Variants in LUC7L2 observed in about 807,000 individuals in gnomAD.
The protein encoded by LUC7L2 is putative RNA-binding protein Luc7-like 2.
A neutral mutation model predicts 52.8 loss-of-function variants in LUC7L2; 25 were observed. The ratio of observed to expected loss-of-function variants is 0.47; its 90% CI spans 0.34 to 0.66. LUC7L2 has a LOEUF of 0.66. Among genes scored for constraint, LUC7L2 ranks in the 30% least tolerant of loss-of-function variants. LUC7L2 has a pLI of 0.01. For synonymous variants in LUC7L2, 144 were observed against 160.9 expected, an observed-to-expected ratio of 0.89 and a Z score of 0.80; for missense variants, 328 against 497.8, an observed-to-expected ratio of 0.66 and a Z score of 3.25.
At chr7:139,387,795 A>C (rs1794269858) in intron 2 of LUC7L2, among the ~76,000 whole-genome samples, 2 of 151,954 alleles carry the variant, frequency 1.3e-5, no homozygotes, top group Admixed American at 6.6e-5. Context: ...TGTGTCATGC[A>C]GGACTGAAGT....
At chr7:139,420,426 C>T (rs957294750) in intron 9 of LUC7L2, among the ~76,000 whole-genome samples, 7 of 152,216 alleles carry the variant, frequency 4.6e-5, no homozygotes, top group African/African-American at 1.7e-4. Context: ...TGGTCTCAAA[C>T]TCCCGACCTC....
At chr7:139,359,617 C>G (rs1799746483), upstream of LUC7L2, 1 of 395,902 alleles carries the variant, frequency 2.5e-6, no homozygotes, top group Non-Finnish European at 4.4e-6. Context: ...GGGTCTGAAT[C>G]GCCATCACCG....
chr7:139,375,723 G>T, intron 1 of LUC7L2: 1 of 606,778 alleles, frequency 1.6e-6, no homozygotes, highest in South Asian at 6.6e-5. Context: ...TAACCTCTCG[G>T]GGCCTCAGTT....
intron 2 of LUC7L2, among the ~76,000 whole-genome samples, chr7:139,387,110 G>T (rs558693568): frequency 6.6e-6 from 1 of 152,168 alleles, no homozygotes; most frequent in South Asian, 2.1e-4. Context: ...AAAGTGCTGG[G>T]ATTACAGGCA....
intron 1 of LUC7L2, among the ~76,000 whole-genome samples, chr7:139,373,904 AT>A (rs1037888868): frequency 2.6e-5 from 4 of 152,132 alleles, no homozygotes; most frequent in Admixed American, 6.6e-5. Flanking sequence ...TACATAAGGG[AT>A]TTTTTTGTTT....
chr7:139,345,847 T>C, intron 1 of LUC7L2: 1 of 902,686 alleles, frequency 1.1e-6, no homozygotes, highest in South Asian at 2.1e-5. Flanking sequence ...TAACTGGACA[T>C]TTCATCTTTA....
intron 1 of LUC7L2, chr7:139,340,523 G>A (rs149131357): frequency 2.5e-5 from 10 of 398,538 alleles, no homozygotes; most frequent in Non-Finnish European, 4.0e-5. Flanking sequence ...CGAGGGTAAA[G>A]CCTTTGGCGC....
At chr7:139,391,303 C>A (rs965046306) in intron 2 of LUC7L2, among the ~76,000 whole-genome samples, 1 of 152,192 alleles carries the variant, frequency 6.6e-6, no homozygotes, top group African/African-American at 2.4e-5. Flanking sequence ...ATTATATTCT[C>A]ATGCTGTTCT....
intron 6 of LUC7L2, among the ~76,000 whole-genome samples, chr7:139,408,841 C>CAA (rs564827916): frequency 0.3 from 25,739 of 86,376 alleles, 3,024 homozygotes; most frequent in Middle Eastern, 0.42. Flanking sequence ...GACTCTGTCT[C>CAA]AAAAAAAAAA....
intron 3 of LUC7L2, among the ~76,000 whole-genome samples, chr7:139,400,257 A>G (rs1569386998): frequency 1.3e-5 from 2 of 152,174 alleles, no homozygotes; most frequent in African/African-American, 4.8e-5. Context: ...CTGTAATCCC[A>G]GCACTTTGGG....
At chr7:139,350,997 C>G (rs957214166) in intron 1 of LUC7L2, among the ~76,000 whole-genome samples, 2 of 151,940 alleles carry the variant, frequency 1.3e-5, no homozygotes, top group African/African-American at 2.4e-5. Context: ...TTTTTTCTTA[C>G]TCTAGTCATT....
intron 2 of LUC7L2, among the ~76,000 whole-genome samples, chr7:139,397,105 A>ACCT (rs1205908146): frequency 6.6e-6 from 1 of 152,160 alleles, no homozygotes; most frequent in African/African-American, 2.4e-5. Flanking sequence ...TAAGGCTCAG[A>ACCT]CCTGTGTGCC....
intron 3 of LUC7L2, among the ~76,000 whole-genome samples, chr7:139,399,450 T>TTTA (rs1794803826): frequency 7.0e-5 from 2 of 28,680 alleles, no homozygotes; most frequent in Non-Finnish European, 1.1e-4. Flanking sequence ...GTTTGGGGGA[T>TTTA]TTTTTTTTTT....
intron 1 of LUC7L2, among the ~76,000 whole-genome samples, chr7:139,352,163 T>C (rs995495959): frequency 6.6e-6 from 1 of 151,998 alleles, no homozygotes; most frequent in Non-Finnish European, 1.5e-5. Flanking sequence ...GCCACTGCTC[T>C]CCAGCCTGGG....
chr7:139,408,184 G>T (rs1795201771), intron 6 of LUC7L2, among the ~76,000 whole-genome samples: 1 of 152,130 alleles, frequency 6.6e-6, no homozygotes, highest in African/African-American at 2.4e-5. Flanking sequence ...CATATTCTCA[G>T]GTAACAGTGG....
intron 8 of LUC7L2, among the ~76,000 whole-genome samples, chr7:139,414,598 T>C (rs1795505766): frequency 6.6e-6 from 1 of 152,228 alleles, no homozygotes; most frequent in African/African-American, 2.4e-5. Context: ...CTAGTTTGAA[T>C]GATAAAGTAC....
intron 2 of LUC7L2, among the ~76,000 whole-genome samples, chr7:139,383,476 A>C (rs1801149372): frequency 6.6e-6 from 1 of 151,684 alleles, no homozygotes; most frequent in South Asian, 2.1e-4. Context: ...TAATGGCGCG[A>C]TCTCGGCTCA....
intron 1 of LUC7L2, among the ~76,000 whole-genome samples, chr7:139,366,202 A>G (rs992904536): frequency 2.0e-5 from 3 of 152,240 alleles, no homozygotes; most frequent in Non-Finnish European, 4.4e-5. Context: ...GTATTGACCC[A>G]TATGTTCCAG....
intron 2 of LUC7L2, among the ~76,000 whole-genome samples, chr7:139,380,046 G>T (rs957204376): frequency 6.6e-6 from 1 of 151,684 alleles, no homozygotes; most frequent in Non-Finnish European, 1.5e-5. Flanking sequence ...GGGCGTAGTG[G>T]CCCGCACCTG....
Sources: gnomAD v4.1 joint callset for allele counts (sites outside exome capture counted in the v4.1 genomes callset) on GRCh38, gnomAD v4.1.1 for gene constraint, MANE v1.5 for transcripts, NCBI Gene and HGNC (gene_info 2026-07-23, HGNC 2026-07-21) for gene names.